SORCS3: variants seen among roughly 807,000 people sequenced by gnomAD.
The protein encoded by SORCS3 is sortilin related VPS10 domain containing receptor 3, also known as VPS10 domain-containing receptor SorCS3.
A neutral mutation model predicts 146.3 loss-of-function variants in SORCS3; 57 were observed. The observed-to-expected ratio is 0.39, with a 90% CI of 0.31 to 0.49. The LOEUF (loss-of-function observed/expected upper bound fraction) is 0.49. Ranked by LOEUF, SORCS3 falls within the 20% of genes least tolerant of loss-of-function variation. The pLI, the probability that SORCS3 is intolerant of heterozygous loss-of-function variation, is 0.92. For synonymous variants in SORCS3, 653 were observed against 618.5 expected (o/e 1.06, Z -0.83); for missense variants, 1,341 against 1,575.5 (o/e 0.85, Z 2.52).
intron 14 of SORCS3, among the ~76,000 whole-genome samples, chr10:105,196,987 T>A (rs555033632): frequency 6.6e-6 from 1 of 152,152 alleles, no homozygotes; most frequent in Non-Finnish European, 1.5e-5. Context: ...GTTCCAGGTG[T>A]TCTTTGGCTT....
At chr10:105,152,000 C>T (rs2056170970) in intron 9 of SORCS3, among the ~76,000 whole-genome samples, 2 of 152,206 alleles carry the variant, frequency 1.3e-5, no homozygotes, top group African/African-American at 2.4e-5. Flanking sequence ...TCGTAACACT[C>T]TTTTCATATA....
At chr10:104,753,845 C>T (rs2017016136) in intron 1 of SORCS3, among the ~76,000 whole-genome samples, 1 of 152,182 alleles carries the variant, frequency 6.6e-6, no homozygotes, top group Non-Finnish European at 1.5e-5. Flanking sequence ...CAAGGCTGAC[C>T]TATAGCTACA....
At chr10:105,131,276 T>C (rs2056016287) in intron 7 of SORCS3, among the ~76,000 whole-genome samples, 1 of 152,148 alleles carries the variant, frequency 6.6e-6, no homozygotes, top group South Asian at 2.1e-4. Flanking sequence ...TTTGTTTCTT[T>C]AAAGAGGAGG....
At chr10:104,842,216 G>A (rs2018149777) in intron 1 of SORCS3, among the ~76,000 whole-genome samples, 1 of 152,196 alleles carries the variant, frequency 6.6e-6, no homozygotes, top group African/African-American at 2.4e-5. Context: ...TAGTAGTGGG[G>A]GCAGGTGATA....
At chr10:104,974,924 G>A (rs888782479) in intron 3 of SORCS3, among the ~76,000 whole-genome samples, 6 of 152,068 alleles carry the variant, frequency 3.9e-5, no homozygotes, top group Admixed American at 6.6e-5. Context: ...TTGCTTGTCT[G>A]TAAAGTATTT....
chr10:105,157,015 C>A, intron 9 of SORCS3, 123 bp from the exon 10 acceptor site: 2 of 1,127,522 alleles, frequency 1.8e-6, no homozygotes, highest in Non-Finnish European at 2.6e-6. Context: ...CTATCATGTT[C>A]CTTCTTTTCT....
intron 22 of SORCS3, among the ~76,000 whole-genome samples, chr10:105,250,763 T>G (rs1462760642): frequency 6.6e-6 from 1 of 152,212 alleles, no homozygotes; most frequent in African/African-American, 2.4e-5. Flanking sequence ...GAAAGAATGT[T>G]GAGGCATCTA....
At chr10:105,257,869 G>A (rs1414468484) in intron 25 of SORCS3, among the ~76,000 whole-genome samples, 1 of 152,086 alleles carries the variant, frequency 6.6e-6, no homozygotes, top group East Asian at 1.9e-4. Context: ...CACATAATAG[G>A]CCCTCAGAAA....
intron 6 of SORCS3, among the ~76,000 whole-genome samples, chr10:105,090,165 G>A (rs1008506740): frequency 2.0e-5 from 3 of 152,162 alleles, no homozygotes; most frequent in African/African-American, 4.8e-5. Context: ...TTCACATGGC[G>A]AATTGCAAGG....
chr10:105,161,833 T>C (rs1309903742), intron 11 of SORCS3, among the ~76,000 whole-genome samples: 3 of 152,114 alleles, frequency 2.0e-5, no homozygotes, highest in Non-Finnish European at 4.4e-5. Context: ...CAGCCCACAA[T>C]CTCTCTGATT....
chr10:104,902,053 C>A (rs1389413645), intron 2 of SORCS3, among the ~76,000 whole-genome samples: 3 of 152,180 alleles, frequency 2.0e-5, no homozygotes, highest in African/African-American at 7.2e-5. Flanking sequence ...TTGATTCCAA[C>A]CATCTCATTT....
intron 1 of SORCS3, among the ~76,000 whole-genome samples, chr10:104,691,529 C>G (rs2016111875): frequency 6.6e-6 from 1 of 152,144 alleles, no homozygotes; most frequent in Non-Finnish European, 1.5e-5. Flanking sequence ...CTTGTCTGGA[C>G]CATTTGACCC....
intron 4 of SORCS3, among the ~76,000 whole-genome samples, chr10:105,026,667 T>A (rs938738289): frequency 1.2e-4 from 18 of 152,240 alleles, no homozygotes; most frequent in African/African-American, 3.9e-4. Flanking sequence ...GTTAATAATG[T>A]CCTTTGCAGC....
chr10:104,877,756 G>A (rs2018591429), intron 2 of SORCS3, among the ~76,000 whole-genome samples: 1 of 152,260 alleles, frequency 6.6e-6, no homozygotes, highest in East Asian at 1.9e-4. Context: ...CTGAGAAGGA[G>A]TCAGATACCA....
intron 1 of SORCS3, among the ~76,000 whole-genome samples, chr10:104,789,100 A>G (rs971778047): frequency 6.6e-6 from 1 of 152,180 alleles, no homozygotes; most frequent in Non-Finnish European, 1.5e-5. Flanking sequence ...GCCAAGTGGG[A>G]GCAAGTGAGA....
chr10:105,119,564 C>T (rs187930811), intron 7 of SORCS3, among the ~76,000 whole-genome samples: 63 of 152,246 alleles, frequency 4.1e-4, no homozygotes, highest in Admixed American at 7.8e-4. Flanking sequence ...ACAGTTGGAA[C>T]GGGGCCATAC....
chr10:104,870,716 A>G (rs2018510711), intron 2 of SORCS3, among the ~76,000 whole-genome samples: 1 of 152,072 alleles, frequency 6.6e-6, no homozygotes, highest in Non-Finnish European at 1.5e-5. Flanking sequence ...TGATACGGTC[A>G]TTTTCCCATG....
At chr10:105,057,977 A>G (rs1156636703) in intron 5 of SORCS3, among the ~76,000 whole-genome samples, 2 of 152,128 alleles carry the variant, frequency 1.3e-5, no homozygotes, top group African/African-American at 4.8e-5. Flanking sequence ...GACAATCTGG[A>G]TGATGGATTA....
intron 20 of SORCS3, among the ~76,000 whole-genome samples, chr10:105,225,541 C>A (rs535433336): frequency 6.6e-6 from 1 of 152,002 alleles, no homozygotes; most frequent in South Asian, 2.1e-4. Flanking sequence ...TGTTCTCCTT[C>A]AATTTTATGT....
Sources: gnomAD v4.1 joint callset for allele counts (sites outside exome capture counted in the v4.1 genomes callset) on GRCh38, gnomAD v4.1.1 for gene constraint, MANE v1.5 for transcripts, NCBI Gene and HGNC (gene_info 2026-07-23, HGNC 2026-07-21) for gene names.